The following PCDHGA10 variants were observed in gnomAD, a reference collection of about 807,000 sequenced individuals.
PCDHGA10 encodes the protein protocadherin gamma subfamily A, 10.
A neutral mutation model predicts 59.5 loss-of-function variants in PCDHGA10; 42 were observed. The ratio of observed to expected loss-of-function variants is 0.71; its 90% CI spans 0.55 to 0.91. PCDHGA10 has a LOEUF of 0.91. Among genes scored for constraint, PCDHGA10 ranks in the 40% least tolerant of loss-of-function variants. The pLI is 0.00. For synonymous variants in PCDHGA10, 511 were observed against 517.2 expected (o/e 0.99, Z 0.16); for missense variants, 1,111 against 1,198.2 (o/e 0.93, Z 1.07).
intron 1 of PCDHGA10, among the ~76,000 whole-genome samples, chr5:141,456,808 C>CA (rs1316636483): frequency 6.6e-5 from 10 of 151,878 alleles, no homozygotes; most frequent in Admixed American, 6.6e-4. Flanking sequence ...ACTAAAAATA[C>CA]AAAAAATTAG....
In PCDHGA10 at chr5:141,477,891, G is replaced by T. The variant is rs750359063; in HGVS notation, c.2437-16916G>T. 10 of 1,614,066 alleles carry T rather than the reference G, an allele frequency of 6.2e-6. No individual in the cohort carries two copies. The African/African-American group carries it at 1.2e-4, about 19-fold the overall frequency. ...ACCTCAGCTGGCCACCTAGTGTCAC[G>T]GGTGGTAGGCTGGGACGCGGATGCA... is the stretch of plus-strand genomic sequence containing the variant. On this transcript the variant is annotated intron_variant, in intron 1 of 3. Coordinates refer to ENST00000398610, the MANE Select transcript of PCDHGA10 (RefSeq NM_018913.3). This position sits in a 1 kb window ranked among gnomAD's most constrained non-coding sequence, Gnocchi z 4.9.
In PCDHGA10 at chr5:141,432,867, T is replaced by C; in HGVS notation, c.2436+17256T>C. ...GTAGCGGTGGCCGCGGTCTCCTGCG[T>C]CTTCCTGGCCTTCGTCATCTTGCTG... On this transcript the variant is annotated intron_variant, in intron 1 of 3. Coordinates refer to ENST00000398610, the MANE Select transcript of PCDHGA10 (RefSeq NM_018913.3). The surrounding 1 kb of genome is among the most constrained non-coding windows in gnomAD (Gnocchi z 6.0). 2 of 1,614,182 alleles carry C rather than the reference T, an allele frequency of 1.2e-6. No individual in the cohort carries two copies. The highest frequency in any genetic ancestry group is 1.7e-6 in the Non-Finnish European group (2 of 1,180,010).
Position 141,432,320 on chromosome 5 carries a change from G to A in PCDHGA10, c.2436+16709G>A, listed in dbSNP as rs369088426. 4 of 1,614,120 alleles carry A rather than the reference G, an allele frequency of 2.5e-6. No individual in the cohort carries two copies. The African/African-American group carries it at 4.0e-5, about 16-fold the overall frequency. On this transcript the variant is annotated intron_variant, in intron 1 of 3. Coordinates refer to ENST00000398610, the MANE Select transcript of PCDHGA10 (RefSeq NM_018913.3). The surrounding 1 kb of genome is among the most constrained non-coding windows in gnomAD (Gnocchi z 6.0). ...GGTACTGTATGCGCTGAGCTCCTTC[G>A]ACTACGAGCAGTTCCGAGACTTGCA...
At chr5:141,451,892 A>C (rs1215224398) in intron 1 of PCDHGA10, among the ~76,000 whole-genome samples, 2 of 152,114 alleles carry the variant, frequency 1.3e-5, no homozygotes, top group Non-Finnish European at 2.9e-5. Context: ...AAAGAAAGGA[A>C]GGAACAAGGG....
chr5:141,441,150 T>C (rs1421773650), intron 1 of PCDHGA10: 4 of 152,122 alleles, frequency 2.6e-5, no homozygotes, highest in African/African-American at 7.2e-5. Context: ...ATAATGACAA[T>C]ATCCTAGAGG....
In PCDHGA10 at chr5:141,431,827, TC is replaced by T. The variant is rs571306928; in HGVS notation, c.2436+16219del. 1.2e-3 allele frequency: 2,007 copies of T among 1,614,226 alleles called. No individual in the cohort carries two copies. The highest frequency in any genetic ancestry group is 1.5e-3 in the Non-Finnish European group (1,827 of 1,180,024). On this transcript the variant is annotated intron_variant, in intron 1 of 3. Coordinates refer to ENST00000398610, the MANE Select transcript of PCDHGA10 (RefSeq NM_018913.3). This position sits in a 1 kb window ranked among gnomAD's most constrained non-coding sequence, Gnocchi z 4.8. ...TCCTCACCTCTCTCGCCAGCTCGGT[TC>T]CCGAAAACTCTCCCAGAGGGACATT...
chr5:141,420,304 T>C, intron 1 of PCDHGA10: 1 of 1,462,822 alleles, frequency 6.8e-7, no homozygotes, highest in African/African-American at 1.4e-5. Context: ...TTTAATCCTT[T>C]TTATATTACA....
rs748950800 is a variant in PCDHGA10, at chr5:141,476,983, C to T, written c.2437-17824C>T. ...ACTCCTTCGGCAGCCACAACCGCGC[C>T]GGCGTGCGGCAACTATTCGCCTTAG... On this transcript the variant is annotated intron_variant, in intron 1 of 3. Transcript: ENST00000398610. The surrounding 1 kb of genome is among the most constrained non-coding windows in gnomAD (Gnocchi z 7.6). 12 of 1,614,096 alleles carry T rather than the reference C, an allele frequency of 7.4e-6. No individual in the cohort carries two copies. The highest frequency in any genetic ancestry group is 8.5e-7 in the Non-Finnish European group (1 of 1,180,046).
In PCDHGA10 at chr5:141,457,578, C is replaced by T. The variant is rs538068150; in HGVS notation, c.2437-37229C>T. Among the ~76,000 whole-genome samples, 38 of 152,304 alleles carry T rather than the reference C, an allele frequency of 2.5e-4. No individual in the cohort carries two copies. The South Asian group carries it at 7.7e-3, about 31-fold the overall frequency. ...AGCTTTGGAGCAAAATTTTTCTCTC[C>T]AGTCCTCATTTTTGGTAAAAACTAA... On this transcript the variant is annotated intron_variant, in intron 1 of 3. Coordinates refer to ENST00000398610, the MANE Select transcript of PCDHGA10 (RefSeq NM_018913.3).
intron 1 of PCDHGA10, among the ~76,000 whole-genome samples, chr5:141,474,990 A>G (rs1245269630): frequency 6.6e-6 from 1 of 152,222 alleles, no homozygotes; most frequent in African/African-American, 2.4e-5. Context: ...GGTGACAACA[A>G]TTCTAAATGC....
chr5:141,436,842 T>G (rs986680968), intron 1 of PCDHGA10, among the ~76,000 whole-genome samples: 3 of 152,376 alleles, frequency 2.0e-5, no homozygotes, highest in African/African-American at 7.2e-5. Flanking sequence ...CCTAGGCACA[T>G]TCTTGATTGA....
Position 141,489,557 on chromosome 5 carries a change from T to C in PCDHGA10, c.2437-5250T>C, listed in dbSNP as rs150797955. 54 of 1,613,956 alleles carry C rather than the reference T, an allele frequency of 3.3e-5. 1 individual carries two copies. Among genetic ancestry groups the C allele is most frequent in the Non-Finnish European group, 4.3e-5 (51 of 1,180,004 alleles). On this transcript the variant is annotated intron_variant, in intron 1 of 3. Coordinates refer to ENST00000398610, the MANE Select transcript of PCDHGA10 (RefSeq NM_018913.3). The surrounding 1 kb of genome is among the most constrained non-coding windows in gnomAD (Gnocchi z 4.5). ...GCCAGCACCAGCTGCCTGCTGCCAG[T>C]GCAGGTGGTGACTGAACACCCCCTG...
chr5:141,503,418 A>G (rs1037754214), intron 2 of PCDHGA10, among the ~76,000 whole-genome samples: 1 of 151,528 alleles, frequency 6.6e-6, no homozygotes, highest in Admixed American at 6.6e-5. Context: ...AATATGGTGA[A>G]ACCCCATCTC....
chr5:141,469,802 C>T (rs2099211446), intron 1 of PCDHGA10, among the ~76,000 whole-genome samples: 1 of 152,022 alleles, frequency 6.6e-6, no homozygotes, highest in Admixed American at 6.6e-5. Flanking sequence ...ATTGCAAAAA[C>T]ATTGTAGATA....
At chr5:141,439,124 CAG>C (rs2098089371) in intron 1 of PCDHGA10, among the ~76,000 whole-genome samples, 1 of 150,004 alleles carries the variant, frequency 6.7e-6, no homozygotes, top group Non-Finnish European at 1.5e-5. Flanking sequence ...ACCCGGGAGA[CAG>C]AGGTTGCAGT....
At chr5:141,509,143 C>T (rs1022878562) in intron 3 of PCDHGA10, among the ~76,000 whole-genome samples, 9 of 152,138 alleles carry the variant, frequency 5.9e-5, no homozygotes, top group Non-Finnish European at 1.0e-4. Flanking sequence ...AGGCGCATCC[C>T]GGCTCTCCCC....
At chr5:141,502,781 C>G (rs1360359268) in intron 2 of PCDHGA10, among the ~76,000 whole-genome samples, 2 of 151,658 alleles carry the variant, frequency 1.3e-5, no homozygotes, top group Non-Finnish European at 2.9e-5. Flanking sequence ...TGAAAATTAC[C>G]TGGATGATTT....
In PCDHGA10 at chr5:141,476,883, A is replaced by G. The variant is rs1266909654; in HGVS notation, c.2437-17924A>G. ...TTGTACCGGGCGCGCGTCCTGGAGG[A>G]TGCACCCTCCGGCACGCGCGTGGTA... On this transcript the variant is annotated intron_variant, in intron 1 of 3. Coordinates refer to ENST00000398610, the MANE Select transcript of PCDHGA10 (RefSeq NM_018913.3). This position sits in a 1 kb window ranked among gnomAD's most constrained non-coding sequence, Gnocchi z 7.6. 1 of 1,613,916 alleles carries G rather than the reference A, an allele frequency of 6.2e-7. No individual in the cohort carries two copies. The highest frequency in any genetic ancestry group is 8.5e-7 in the Non-Finnish European group (1 of 1,180,026).
chr5:141,453,099 C>CT (rs568622146), intron 1 of PCDHGA10, among the ~76,000 whole-genome samples: 1 of 151,962 alleles, frequency 6.6e-6, no homozygotes, highest in East Asian at 1.9e-4. Flanking sequence ...TTTTCTGTTG[C>CT]TTTTTTGTTT....
Sources: allele counts gnomAD v4.1 joint callset (sites outside exome capture counted in the v4.1 genomes callset), GRCh38; gene constraint gnomAD v4.1.1; non-coding constraint Gnocchi (gnomAD v3.1); transcripts MANE v1.5; gene names NCBI Gene and HGNC (gene_info 2026-07-23, HGNC 2026-07-21).